Variants in DRC11 observed in about 807,000 individuals in gnomAD.
DRC11 encodes IQ and AAA domain-containing protein 1.
the DRC11 span, among the ~76,000 whole-genome samples, chr2:236,477,585 A>T: frequency 1.3e-5 from 2 of 151,938 alleles, no homozygotes; most frequent in Non-Finnish European, 2.9e-5. Flanking sequence ...CTTCTCCTTA[A>T]TTTTTTTTAA....
the DRC11 span, chr2:236,497,103 G>T: frequency 8.0e-7 from 1 of 1,248,106 alleles, no homozygotes. This position sits in a 1 kb window ranked among gnomAD's most constrained non-coding sequence, Gnocchi z 5.1. Flanking sequence ...ACAGATATCG[G>T]GTACATATCT....
At chr2:236,426,343 T>A in the DRC11 span, among the ~76,000 whole-genome samples, 1 of 152,046 alleles carries the variant, frequency 6.6e-6, no homozygotes, top group Non-Finnish European at 1.5e-5. The surrounding 1 kb of genome is among the most constrained non-coding windows in gnomAD (Gnocchi z 4.1). Context: ...TAGGTTTCAA[T>A]ACACAGATCC....
the DRC11 span, chr2:236,507,207 T>C: frequency 1.2e-6 from 2 of 1,602,870 alleles, no homozygotes; most frequent in Non-Finnish European, 1.7e-6. Flanking sequence ...AGCCACCTTC[T>C]GGCTTGGGGA....
At chr2:236,364,043 G>A in the DRC11 span, 1 of 1,419,436 alleles carries the variant, frequency 7.0e-7, no homozygotes, top group Non-Finnish European at 9.8e-7. Context: ...CTTCAACTAG[G>A]ATAACTCAAG....
chr2:236,483,275 T>G, the DRC11 span, among the ~76,000 whole-genome samples: 4 of 152,284 alleles, frequency 2.6e-5, no homozygotes, highest in African/African-American at 9.6e-5. The surrounding 1 kb of genome is among the most constrained non-coding windows in gnomAD (Gnocchi z 4.8). Flanking sequence ...TCATAAAAAT[T>G]TATAACAACT....
chr2:236,320,842 G>GC, the DRC11 span, among the ~76,000 whole-genome samples: 2 of 96,822 alleles, frequency 2.1e-5, no homozygotes, highest in African/African-American at 3.8e-5. Flanking sequence ...GTACCCCCCC[G>GC]CCCCCCGCCA....
At chr2:236,350,099 C>T in the DRC11 span, among the ~76,000 whole-genome samples, 1 of 152,238 alleles carries the variant, frequency 6.6e-6, no homozygotes, top group South Asian at 2.1e-4. The surrounding 1 kb of genome is among the most constrained non-coding windows in gnomAD (Gnocchi z 5.2). Flanking sequence ...CTAAGCTGCG[C>T]AGCCTTGAAA....
chr2:236,400,773 G>A, the DRC11 span, among the ~76,000 whole-genome samples: 5 of 152,262 alleles, frequency 3.3e-5, no homozygotes, highest in African/African-American at 4.8e-5. This position sits in a 1 kb window ranked among gnomAD's most constrained non-coding sequence, Gnocchi z 7.9. Flanking sequence ...TCCGGGATGC[G>A]GTGGCCTGAA....
At chr2:236,506,537 A>G in the DRC11 span, among the ~76,000 whole-genome samples, 1 of 152,170 alleles carries the variant, frequency 6.6e-6, no homozygotes, top group Non-Finnish European at 1.5e-5. This position sits in a 1 kb window ranked among gnomAD's most constrained non-coding sequence, Gnocchi z 4.9. Flanking sequence ...TGCAGGCTGG[A>G]GCTACAGTGC....
At chr2:236,369,006 G>A in the DRC11 span, 1 of 152,070 alleles carries the variant, frequency 6.6e-6, no homozygotes. The surrounding 1 kb of genome is among the most constrained non-coding windows in gnomAD (Gnocchi z 4.5). Context: ...AATTAGTTTG[G>A]CTGTCTCCAT....
chr2:236,375,350 C>A, the DRC11 span, among the ~76,000 whole-genome samples: 3 of 152,158 alleles, frequency 2.0e-5, no homozygotes, highest in Non-Finnish European at 4.4e-5. This position sits in a 1 kb window ranked among gnomAD's most constrained non-coding sequence, Gnocchi z 4.2. Flanking sequence ...GAATCTACCA[C>A]GTGCCAGGCA....
chr2:236,345,286 G>A, the DRC11 span, among the ~76,000 whole-genome samples: 2 of 152,010 alleles, frequency 1.3e-5, no homozygotes, highest in Non-Finnish European at 2.9e-5. Context: ...GCCCCACCAC[G>A]TCCCTTCCTT....
At chr2:236,462,662 C>T in the DRC11 span, among the ~76,000 whole-genome samples, 1 of 152,058 alleles carries the variant, frequency 6.6e-6, no homozygotes, top group Non-Finnish European at 1.5e-5. The surrounding 1 kb of genome is among the most constrained non-coding windows in gnomAD (Gnocchi z 6.4). Flanking sequence ...CACAGCGAGA[C>T]CCTGCCTCAA....
At chr2:236,405,957 G>T in the DRC11 span, among the ~76,000 whole-genome samples, 2 of 152,196 alleles carry the variant, frequency 1.3e-5, no homozygotes, top group African/African-American at 4.8e-5. The surrounding 1 kb of genome is among the most constrained non-coding windows in gnomAD (Gnocchi z 4.6). Context: ...ACACTTGACC[G>T]TGGGTAACTG....
chr2:236,471,288 TA>T, the DRC11 span, among the ~76,000 whole-genome samples: 51 of 150,616 alleles, frequency 3.4e-4, no homozygotes, highest in African/African-American at 1.1e-3. The surrounding 1 kb of genome is among the most constrained non-coding windows in gnomAD (Gnocchi z 4.6). Flanking sequence ...TCCTCTGACT[TA>T]AAAAAAAACA....
At chr2:236,506,333 G>A in the DRC11 span, among the ~76,000 whole-genome samples, 1,971 of 152,238 alleles carry the variant, frequency 0.013, 58 homozygotes, top group East Asian at 0.12. The surrounding 1 kb of genome is among the most constrained non-coding windows in gnomAD (Gnocchi z 4.9). Context: ...TTTCAGACAT[G>A]GGTCTCGCTC....
chr2:236,368,344 G>A, the DRC11 span: 7 of 1,139,178 alleles, frequency 6.1e-6, no homozygotes, highest in Middle Eastern at 5.9e-4. Context: ...GGAAAACAGC[G>A]CTGGTCTGAG....
the DRC11 span, among the ~76,000 whole-genome samples, chr2:236,433,170 G>A: frequency 6.6e-6 from 1 of 151,960 alleles, no homozygotes; most frequent in Non-Finnish European, 1.5e-5. Context: ...TTCATACCTG[G>A]CAAAGCTAGT....
chr2:236,446,599 C>T, the DRC11 span, among the ~76,000 whole-genome samples: 1 of 152,238 alleles, frequency 6.6e-6, no homozygotes, highest in Non-Finnish European at 1.5e-5. The surrounding 1 kb of genome is among the most constrained non-coding windows in gnomAD (Gnocchi z 6.2). Context: ...GAGGCACAGG[C>T]TGTCCTTTGG....
Sources: gnomAD v4.1 joint callset for allele counts (sites outside exome capture counted in the v4.1 genomes callset) on GRCh38, gnomAD v4.1.1 for gene constraint, Gnocchi (gnomAD v3.1) non-coding constraint, MANE v1.5 for transcripts, NCBI Gene and HGNC (gene_info 2026-07-23, HGNC 2026-07-21) for gene names.